The following PCDHGB6 variants were observed in gnomAD, a reference collection of about 807,000 sequenced individuals.
PCDHGB6 encodes the protein protocadherin gamma-B6.
Under a neutral mutation model 59.1 loss-of-function variants are expected in PCDHGB6, and 51 were observed. That is an observed-to-expected ratio of 0.86 (90% CI 0.69 to 1.09). PCDHGB6 has a LOEUF of 1.09. Ranked by LOEUF, PCDHGB6 falls within the 50% of genes least tolerant of loss-of-function variation. The probability of loss-of-function intolerance (pLI) is 0.00; values close to 1 mark genes in which losing one functional copy is unlikely to be tolerated. For missense variants in PCDHGB6, 1,148 were observed against 1,205.1 expected (o/e 0.95, Z 0.70); for synonymous variants, 466 against 495.1 (o/e 0.94, Z 0.78).
intron 1 of PCDHGB6, among the ~76,000 whole-genome samples, chr5:141,460,003 A>AG (rs1177398494): frequency 6.6e-6 from 1 of 152,186 alleles, no homozygotes; most frequent in African/African-American, 2.4e-5. Context: ...GCTTGAACCC[A>AG]GGAGGCGGAG....
chr5:141,498,390 T>C (rs2099783500), intron 2 of PCDHGB6, among the ~76,000 whole-genome samples: 1 of 151,982 alleles, frequency 6.6e-6, no homozygotes, highest in Non-Finnish European at 1.5e-5. Context: ...ATCAAGGGAA[T>C]GGCAGGGAGT....
At chr5:141,471,942 A>G (rs1163887457) in intron 1 of PCDHGB6, among the ~76,000 whole-genome samples, 1 of 152,192 alleles carries the variant, frequency 6.6e-6, no homozygotes, top group Non-Finnish European at 1.5e-5. Flanking sequence ...AGAGTTTTCT[A>G]AAACTGGATT....
intron 1 of PCDHGB6, chr5:141,478,046 C>A (rs762982394): frequency 3.7e-6 from 6 of 1,614,172 alleles, no homozygotes; most frequent in Non-Finnish European, 5.1e-6. Flanking sequence ...CAGGCAGACT[C>A]TCACGGTCTT....
At chr5:141,450,815 A>ATAT (rs1420984335) in intron 1 of PCDHGB6, among the ~76,000 whole-genome samples, 2,245 of 126,710 alleles carry the variant, frequency 0.018, 73 homozygotes, top group African/African-American at 0.063. Flanking sequence ...TATTTATTTA[A>ATAT]TATTATTATT....
intron 1 of PCDHGB6, among the ~76,000 whole-genome samples, chr5:141,473,126 A>C (rs2154571574): frequency 6.6e-6 from 1 of 152,356 alleles, no homozygotes; most frequent in South Asian, 2.1e-4. Flanking sequence ...GCTCTTTGGC[A>C]AACTATATTA....
At chr5:141,494,772 G>C in intron 1 of PCDHGB6, 35 bp from the exon 2 acceptor site, 1 of 1,613,982 alleles carries the variant, frequency 6.2e-7, no homozygotes, top group Non-Finnish European at 8.5e-7. Context: ...ACTTCTCACG[G>C]GTACTCAGCC....
intron 1 of PCDHGB6, among the ~76,000 whole-genome samples, chr5:141,449,240 G>A (rs535847654): frequency 6.6e-6 from 1 of 152,186 alleles, no homozygotes; most frequent in Non-Finnish European, 1.5e-5. Context: ...ATTTTCAAAG[G>A]AGTTGCAAGA....
chr5:141,456,093 T>G (rs1362649283), intron 1 of PCDHGB6, among the ~76,000 whole-genome samples: 1 of 151,986 alleles, frequency 6.6e-6, no homozygotes, highest in Non-Finnish European at 1.5e-5. Context: ...GAGACGGGAT[T>G]TCACCGTGTT....
chr5:141,480,429 T>C (rs72790066), intron 1 of PCDHGB6, among the ~76,000 whole-genome samples: 4 of 151,864 alleles, frequency 2.6e-5, no homozygotes, highest in African/African-American at 9.7e-5. Flanking sequence ...AAAAAAATTA[T>C]CAGCTATTAC....
At chr5:141,496,602 C>T (rs981108050) in intron 2 of PCDHGB6, among the ~76,000 whole-genome samples, 1 of 152,150 alleles carries the variant, frequency 6.6e-6, no homozygotes, top group Non-Finnish European at 1.5e-5. Flanking sequence ...TCTTAGAAGG[C>T]CCCTAAAAAG....
At chr5:141,461,924 A>C (rs930104571) in intron 1 of PCDHGB6, among the ~76,000 whole-genome samples, 1 of 152,100 alleles carries the variant, frequency 6.6e-6, no homozygotes, top group East Asian at 1.9e-4. Context: ...CCTGGGTTCC[A>C]GCAATTCTCC....
At chr5:141,494,183 G>A (rs971032835) in intron 1 of PCDHGB6, among the ~76,000 whole-genome samples, 2 of 152,146 alleles carry the variant, frequency 1.3e-5, no homozygotes, top group Non-Finnish European at 2.9e-5. Context: ...GAAGTGTCCC[G>A]GGACTTGGAT....
At chr5:141,420,965 TA>T (rs1468739825) in intron 1 of PCDHGB6, 6 of 433,892 alleles carry the variant, frequency 1.4e-5, no homozygotes, top group African/African-American at 1.0e-4. Flanking sequence ...GTCGTTGCAA[TA>T]ATAAGAATGG....
intron 1 of PCDHGB6, among the ~76,000 whole-genome samples, chr5:141,459,563 C>CAAAACAGAATT (rs1554142058): frequency 5.3e-5 from 8 of 152,044 alleles, no homozygotes; most frequent in Non-Finnish European, 2.9e-5. Context: ...ATAAATACCC[C>CAAAACAGAATT]AAAACAGAAT....
At position 141,432,999 on chromosome 5, in the gene PCDHGB6, A is replaced by G. The variant is rs745921704; in HGVS notation, c.2418+22379A>G. The G allele has an allele frequency of 1.1e-5, 17 of 1,614,046 alleles. No individual in the cohort carries two copies. Among genetic ancestry groups the G allele is most frequent in the East Asian group, 4.5e-5 (2 of 44,862 alleles). On this transcript the variant is annotated intron_variant, in intron 1 of 3. Coordinates refer to ENST00000520790, the MANE Select transcript of PCDHGB6 (RefSeq NM_018926.3). This position sits in a 1 kb window ranked among gnomAD's most constrained non-coding sequence, Gnocchi z 6.0. ...CACTTTGTGGGCGTGGACGGGGTGC[A>G]GGCTTTCCTGCAGACCTATTCCCAC...
At chr5:141,508,123 G>A (rs989767852) in intron 3 of PCDHGB6, 1 of 152,616 alleles carries the variant, frequency 6.6e-6, no homozygotes, top group Non-Finnish European at 1.5e-5. Context: ...GAGGACAGAG[G>A]GAGGTCAGGG....
intron 1 of PCDHGB6, chr5:141,484,904 C>A: frequency 2.5e-6 from 1 of 405,682 alleles, no homozygotes; most frequent in Non-Finnish European, 4.4e-6. Context: ...TCCAATGCTG[C>A]GACGCATTAA....
In PCDHGB6 at chr5:141,409,294, G is replaced by T. The variant is rs1438036410; in HGVS notation, c.1092G>T (p.Met364Ile). The change falls in exon 1 of 4, where the codon ATG becomes ATT. Residue 364 changes from methionine to isoleucine, a missense_variant. Physicochemically the swap from Met to Ile is conservative, Grantham distance 10. Around this residue, in one of 5 missense-constraint regions of PCDHGB6, gnomAD observed 549 missense variants for 527.5 expected, o/e 1.04. Coordinates refer to ENST00000520790, the MANE Select transcript of PCDHGB6 (RefSeq NM_018926.3). ...TTTTGGAGAATTCACCTCCAGGAAT[G>T]GTTGTTGCCCTCTTCAAAACACGGG... is the stretch of plus-strand genomic sequence containing the variant. ...DQILENSPPG[M>I]VVALFKTRDL... 6.8e-6 allele frequency: 11 copies of T among 1,613,826 alleles called. No individual in the cohort carries two copies. Among genetic ancestry groups the T allele is most frequent in the South Asian group, 1.1e-5 (1 of 91,078 alleles).
chr5:141,451,497 G>T (rs2098717489), intron 1 of PCDHGB6, among the ~76,000 whole-genome samples: 1 of 152,214 alleles, frequency 6.6e-6, no homozygotes, highest in Admixed American at 6.5e-5. Flanking sequence ...CCTCCATAGG[G>T]CAACCAGCTT....
Sources: allele counts gnomAD v4.1 joint callset (sites outside exome capture counted in the v4.1 genomes callset), GRCh38; gene constraint gnomAD v4.1.1; regional missense constraint gnomAD v4.1.1; non-coding constraint Gnocchi (gnomAD v3.1); transcripts MANE v1.5; gene names NCBI Gene and HGNC (gene_info 2026-07-23, HGNC 2026-07-21).